The following OPCML variants were observed in gnomAD, a reference collection of about 807,000 sequenced individuals.
The protein encoded by OPCML is opioid-binding protein/cell adhesion molecule.
OPCML carries 13 observed loss-of-function variants against 37.8 expected under a neutral mutation model. The observed-to-expected ratio is 0.34, with a 90% CI of 0.22 to 0.55. The LOEUF (loss-of-function observed/expected upper bound fraction) is 0.55, where lower values mean the gene tolerates loss of function less well. Ranked by LOEUF, OPCML falls within the 20% of genes least tolerant of loss-of-function variation. The pLI is 0.91. For missense variants in OPCML, 341 were observed against 435.6 expected, an observed-to-expected ratio of 0.78 and a Z score of 1.93; for synonymous variants, 176 against 168.8, an observed-to-expected ratio of 1.04 and a Z score of -0.33.
intron 1 of OPCML, among the ~76,000 whole-genome samples, chr11:133,197,330 A>C (rs11820373): frequency 0.12 from 18,280 of 152,238 alleles, 1,244 homozygotes; most frequent in Admixed American, 0.18. Context: ...CCTTTATCTA[A>C]GAAAGGATCA....
intron 1 of OPCML, among the ~76,000 whole-genome samples, chr11:133,413,160 A>G (rs1473428485): frequency 6.6e-6 from 1 of 152,158 alleles, no homozygotes; most frequent in African/African-American, 2.4e-5. Flanking sequence ...AGCATGGAGC[A>G]TTCTGCAGAA....
intron 1 of OPCML, among the ~76,000 whole-genome samples, chr11:133,140,976 A>C (rs1401171227): frequency 0.012 from 43 of 3,648 alleles, 8 homozygotes; most frequent in East Asian, 0.25. Context: ...AAGAAGAAGA[A>C]GAAGAAGAAG....
intron 2 of OPCML, among the ~76,000 whole-genome samples, chr11:132,692,327 A>G (rs1216509363): frequency 6.6e-6 from 1 of 152,096 alleles, no homozygotes; most frequent in East Asian, 1.9e-4. Flanking sequence ...GAGTGCTGTA[A>G]TTAGGTGCTG....
chr11:132,945,015 G>A (rs1040597667), intron 1 of OPCML, among the ~76,000 whole-genome samples: 5 of 152,220 alleles, frequency 3.3e-5, no homozygotes, highest in Admixed American at 3.3e-4. Flanking sequence ...TCAGTTCTGA[G>A]AGAAGGAGCA....
At chr11:132,883,063 C>T (rs908340786) in intron 2 of OPCML, among the ~76,000 whole-genome samples, 15 of 152,018 alleles carry the variant, frequency 9.9e-5, no homozygotes, top group Middle Eastern at 3.2e-3. Context: ...GAGGCTTTCC[C>T]GCGAACACCA....
chr11:133,020,821 G>A (rs199960415), intron 1 of OPCML, among the ~76,000 whole-genome samples: 10 of 152,140 alleles, frequency 6.6e-5, no homozygotes, highest in East Asian at 1.9e-4. Flanking sequence ...TTTGGTACAC[G>A]CCAATTAAAA....
intron 1 of OPCML, among the ~76,000 whole-genome samples, chr11:133,370,753 T>C (rs984528186): frequency 2.0e-5 from 3 of 152,122 alleles, no homozygotes; most frequent in African/African-American, 4.8e-5. Context: ...CTTCAGAACA[T>C]TGGCCTAGGT....
chr11:132,613,049 G>A (rs987882101), intron 3 of OPCML, among the ~76,000 whole-genome samples: 4 of 152,186 alleles, frequency 2.6e-5, no homozygotes, highest in African/African-American at 7.2e-5. Context: ...AAATTAGATA[G>A]GGGCAGAACA....
At chr11:132,809,154 C>A (rs1220347532) in intron 2 of OPCML, among the ~76,000 whole-genome samples, 3 of 152,146 alleles carry the variant, frequency 2.0e-5, no homozygotes, top group Non-Finnish European at 4.4e-5. Context: ...AGTTAATTTT[C>A]TTCCATAATG....
At chr11:133,416,988 C>A (rs934912733) in intron 1 of OPCML, among the ~76,000 whole-genome samples, 3 of 152,190 alleles carry the variant, frequency 2.0e-5, no homozygotes, top group Admixed American at 2.0e-4. Flanking sequence ...AACTCTTGAA[C>A]CACAAGATTT....
At chr11:133,306,266 T>C (rs1299785025) in intron 1 of OPCML, among the ~76,000 whole-genome samples, 1 of 152,280 alleles carries the variant, frequency 6.6e-6, no homozygotes, top group East Asian at 1.9e-4. Context: ...CTGAGTACTC[T>C]GGAAATACCA....
At chr11:132,763,544 A>T (rs1415227035) in intron 2 of OPCML, among the ~76,000 whole-genome samples, 6 of 152,322 alleles carry the variant, frequency 3.9e-5, no homozygotes, top group African/African-American at 1.4e-4. Flanking sequence ...GAAGTCCAGG[A>T]AAAGCTATCT....
chr11:133,442,314 A>G (rs1040174100), intron 1 of OPCML, among the ~76,000 whole-genome samples: 5 of 152,082 alleles, frequency 3.3e-5, no homozygotes, highest in African/African-American at 1.2e-4. Flanking sequence ...TAAGGGTGAG[A>G]CAAACTTTTT....
chr11:132,485,062 G>A (rs926154637), intron 4 of OPCML, among the ~76,000 whole-genome samples: 3 of 151,162 alleles, frequency 2.0e-5, no homozygotes, highest in Non-Finnish European at 2.9e-5. Context: ...AAAACTTAAA[G>A]TATAATAATA....
intron 2 of OPCML, among the ~76,000 whole-genome samples, chr11:132,865,701 G>A (rs996383536): frequency 6.6e-6 from 1 of 152,144 alleles, no homozygotes; most frequent in Non-Finnish European, 1.5e-5. Flanking sequence ...GCCAAATCGA[G>A]AGCAATGATC....
chr11:133,146,354 G>C (rs1318493489), intron 1 of OPCML, among the ~76,000 whole-genome samples: 1 of 137,206 alleles, frequency 7.3e-6, no homozygotes, highest in Non-Finnish European at 1.5e-5. Context: ...CTCTCTTGTC[G>C]CCCAGGCTGG....
chr11:133,064,720 G>A (rs1163281208), intron 1 of OPCML: 1 of 152,206 alleles, frequency 6.6e-6, no homozygotes, highest in East Asian at 1.9e-4. Context: ...GGAAGGGAAG[G>A]CTGAGGTCTC....
At chr11:133,027,996 A>T (rs184390279) in intron 1 of OPCML, among the ~76,000 whole-genome samples, 35 of 152,006 alleles carry the variant, frequency 2.3e-4, no homozygotes, top group Non-Finnish European at 4.4e-4. Flanking sequence ...AATATTTTTT[A>T]AAAAGTTGCT....
chr11:132,578,659 G>T (rs764629092), intron 3 of OPCML, among the ~76,000 whole-genome samples: 5 of 152,168 alleles, frequency 3.3e-5, no homozygotes, highest in Non-Finnish European at 7.4e-5. Flanking sequence ...CAGTAGCTCT[G>T]CCTGTCTTTG....
Sources: gnomAD v4.1 joint callset for allele counts (sites outside exome capture counted in the v4.1 genomes callset) on GRCh38, gnomAD v4.1.1 for gene constraint, MANE v1.5 for transcripts, NCBI Gene and HGNC (gene_info 2026-07-23, HGNC 2026-07-21) for gene names.